ERICH1: variants seen among roughly 807,000 people sequenced by gnomAD.
ERICH1 encodes glutamate-rich protein 1.
ERICH1 carries 56 observed loss-of-function variants against 39.6 expected under a neutral mutation model. That is an observed-to-expected ratio of 1.41 (90% CI 1.14 to 1.77). The LOEUF is 1.77. Among genes scored for constraint, ERICH1 ranks in the 40% most tolerant of loss-of-function variants. The pLI is 0.00. For synonymous variants in ERICH1, 313 were observed against 223.6 expected (o/e 1.40, Z -3.57); for missense variants, 826 against 575.4 (o/e 1.44, Z -4.45).
intron 3 of ERICH1, among the ~76,000 whole-genome samples, chr8:681,171 C>T (rs1419306624): frequency 6.6e-6 from 1 of 152,212 alleles, no homozygotes; most frequent in African/African-American, 2.4e-5. Context: ...GGGGGTTTGA[C>T]AGCAGCTCCA....
At chr8:717,210 G>C (rs1023563858) in intron 1 of ERICH1, among the ~76,000 whole-genome samples, 2 of 152,266 alleles carry the variant, frequency 1.3e-5, no homozygotes, top group Admixed American at 6.5e-5. Context: ...GAACTGAAAC[G>C]ATGTGATCCC....
intron 2 of ERICH1, among the ~76,000 whole-genome samples, chr8:693,531 A>G (rs732197): frequency 0.42 from 64,527 of 151,830 alleles, 14,956 homozygotes; most frequent in East Asian, 0.87. Flanking sequence ...TCCCCGCTGT[A>G]TGCTCCTCTA....
At chr8:622,648 A>C (rs1444302211) in intron 3 of ERICH1, among the ~76,000 whole-genome samples, 1 of 152,154 alleles carries the variant, frequency 6.6e-6, no homozygotes. Flanking sequence ...CTTCACTAGC[A>C]AATTCTATCA....
In ERICH1 at chr8:669,663, C is replaced by T. The variant is rs1585153300; in HGVS notation, c.1064-871G>A. Among the ~76,000 whole-genome samples, 3 of 152,346 alleles carry T rather than the reference C, an allele frequency of 2.0e-5. No individual in the cohort carries two copies. The Middle Eastern group carries it at 0.01, about 518-fold the overall frequency. ...CTGTCCAACACACGACTCAGGGCTACGAACAGCAGCAGGTTAAACCAGACA... is the reference window on the plus strand; with the variant it reads ...CTGTCCAACACACGACTCAGGGCTATGAACAGCAGCAGGTTAAACCAGACA... On this transcript the variant is annotated intron_variant, in intron 4 of 5. Coordinates refer to ENST00000262109, the MANE Select transcript of ERICH1 (RefSeq NM_207332.3).
intron 3 of ERICH1, among the ~76,000 whole-genome samples, chr8:627,636 G>A (rs776339235): frequency 2.0e-5 from 3 of 152,188 alleles, no homozygotes; most frequent in African/African-American, 7.2e-5. Context: ...TGGCCTTCAC[G>A]GAGGTCCGGG....
intron 3 of ERICH1, among the ~76,000 whole-genome samples, chr8:674,516 G>T (rs1008917793): frequency 3.9e-5 from 6 of 151,984 alleles, no homozygotes; most frequent in African/African-American, 1.5e-4. Context: ...GTTGGCCAGG[G>T]TTGTCTCAAA....
At chr8:716,643 T>A (rs893508456) in intron 1 of ERICH1, among the ~76,000 whole-genome samples, 1 of 152,234 alleles carries the variant, frequency 6.6e-6, no homozygotes, top group Non-Finnish European at 1.5e-5. Flanking sequence ...CAAACGGTCA[T>A]AATGAATAAA....
Position 708,795 on chromosome 8 carries a change from G to A in ERICH1, c.169+7066C>T, listed in dbSNP as rs1242631759. On this transcript the variant is annotated intron_variant, in intron 2 of 5. Transcript: ENST00000262109. ...TGAAGTCTTGTCTTCTCAGGCTCAA[G>A]TGACCCTCCCACCTCAGCCTCTTGA... 2.1e-5 allele frequency among the ~76,000 whole-genome samples: 3 copies of A among 144,110 alleles called. No individual in the cohort carries two copies. The Admixed American group carries it at 2.2e-4, about 11-fold the overall frequency. 94.5% of individuals were successfully genotyped at this position (144,110 alleles called of 152,430 possible).
chr8:618,537 G>A (rs1411963989), intron 3 of ERICH1, among the ~76,000 whole-genome samples: 1 of 152,230 alleles, frequency 6.6e-6, no homozygotes, highest in African/African-American at 2.4e-5. Context: ...TGCTAACTGA[G>A]TGAGTGACTG....
rs367945639 is a variant in ERICH1, at chr8:671,289, A to G, written c.1063+2000T>C. 2.4e-4 allele frequency among the ~76,000 whole-genome samples: 35 copies of G among 148,802 alleles called. No individual in the cohort carries two copies. The East Asian group carries it at 7.1e-3, about 30-fold the overall frequency. ...CCGACCACTGAGCGCGCTGGTCCCC[A>G]GGCTCCGACCTCTGAACCTGCCGGC... On this transcript the variant is annotated intron_variant, in intron 4 of 5. Transcript: ENST00000262109.
rs1423869913 is a variant in ERICH1 at position 730,082 on chromosome 8, G to C, written c.22+1058C>G. On this transcript the variant is annotated intron_variant, in intron 1 of 5. Coordinates refer to ENST00000262109, the MANE Select transcript of ERICH1 (RefSeq NM_207332.3). The stretch of plus-strand genomic sequence containing the variant: ...CAGCCTGCCAGCCCTGCTTCCAGGA[G>C]AGGGTCATGAACAAGGTATTTCTGG... Among the ~76,000 whole-genome samples the C allele has an allele frequency of 2.6e-5, 4 of 152,282 alleles. No individual in the cohort carries two copies. In the East Asian group the frequency reaches 7.7e-4, roughly 29 times the overall value.
Position 664,402 on chromosome 8 carries a change from A to G in ERICH1, c.*201T>C, listed in dbSNP as rs573174208. The G allele has an allele frequency of 8.1e-7, 1 of 1,237,108 alleles. No homozygotes were observed. The highest frequency in any genetic ancestry group is 1.5e-5 in the African/African-American group (1 of 65,470). The allele number at this position is 1,237,108 out of a possible 1,614,324, so 76.6% of individuals were successfully genotyped here. A position where few individuals can be genotyped will look rare whatever the true frequency, so the allele number is the denominator to read the frequency against. On this transcript the variant is annotated 3_prime_UTR_variant, in exon 6 of 6. Coordinates refer to ENST00000262109, the MANE Select transcript of ERICH1 (RefSeq NM_207332.3). ...TAATTCAAGATATATATAATTGCAAATAAGTGAAAAATTTCCATTTTACCC... is the reference window on the plus strand; with the variant it reads ...TAATTCAAGATATATATAATTGCAAGTAAGTGAAAAATTTCCATTTTACCC...
At chr8:651,745 G>C (rs182483701) in intron 3 of ERICH1, among the ~76,000 whole-genome samples, 2 of 145,930 alleles carry the variant, frequency 1.4e-5, no homozygotes, top group Non-Finnish European at 3.0e-5. Flanking sequence ...TGAGGGGAGA[G>C]AGAGGCTGAG....
At chr8:631,592 C>T (rs2078960147) in intron 3 of ERICH1, among the ~76,000 whole-genome samples, 1 of 152,166 alleles carries the variant, frequency 6.6e-6, no homozygotes, top group Non-Finnish European at 1.5e-5. Context: ...TAGACACTGC[C>T]AGGGAGTGGG....
intron 3 of ERICH1, among the ~76,000 whole-genome samples, chr8:682,862 A>G (rs1288936974): frequency 6.6e-6 from 1 of 152,236 alleles, no homozygotes; most frequent in East Asian, 1.9e-4. Context: ...TCTAGATTCA[A>G]AGCTAGGCTA....
chr8:695,451 C>A (rs552661010), intron 2 of ERICH1, among the ~76,000 whole-genome samples: 46 of 152,182 alleles, frequency 3.0e-4, no homozygotes, highest in Non-Finnish European at 5.9e-4. Flanking sequence ...GGCCAGCCAT[C>A]CCTGCCTCTG....
intron 1 of ERICH1, chr8:725,196 C>A (rs1380029711): frequency 5.1e-6 from 1 of 196,504 alleles, no homozygotes; most frequent in Non-Finnish European, 1.0e-5. Context: ...GCCTGCTGTC[C>A]CCTCCGGCTT....
intron 3 of ERICH1, among the ~76,000 whole-genome samples, chr8:680,939 C>G (rs1805979003): frequency 6.6e-6 from 1 of 152,202 alleles, no homozygotes; most frequent in Non-Finnish European, 1.5e-5. Context: ...TCTCAGGACA[C>G]AAGGAGACCT....
At chr8:654,558 T>G (rs144973078) in intron 3 of ERICH1, among the ~76,000 whole-genome samples, 1 of 152,198 alleles carries the variant, frequency 6.6e-6, no homozygotes, top group East Asian at 1.9e-4. Context: ...TCAAAAAACA[T>G]TGACTACAGT....
Sources: gnomAD v4.1 joint callset for allele counts (sites outside exome capture counted in the v4.1 genomes callset) on GRCh38, gnomAD v4.1.1 for gene constraint, MANE v1.5 for transcripts, NCBI Gene and HGNC (gene_info 2026-07-23, HGNC 2026-07-21) for gene names.